The following EPB41L5 variants were observed in gnomAD, a reference collection of about 807,000 sequenced individuals.
EPB41L5 encodes the protein erythrocyte membrane protein band 4.1 like 5.
A neutral mutation model predicts 106.6 loss-of-function variants in EPB41L5; 55 were observed. That is an observed-to-expected ratio of 0.52 (90% CI 0.42 to 0.65). The LOEUF (loss-of-function observed/expected upper bound fraction) is 0.65, where lower values mean the gene tolerates loss of function less well. Among genes scored for constraint, EPB41L5 ranks in the 30% least tolerant of loss-of-function variants. The pLI is 0.00. For missense variants in EPB41L5, 871 were observed against 882.1 expected, an observed-to-expected ratio of 0.99 and a Z score of 0.16; for synonymous variants, 297 against 306.7, an observed-to-expected ratio of 0.97 and a Z score of 0.33.
At chr2:120,033,255 A>T (rs1377474593) in intron 2 of EPB41L5, among the ~76,000 whole-genome samples, 1 of 152,168 alleles carries the variant, frequency 6.6e-6, no homozygotes, top group African/African-American at 2.4e-5. Flanking sequence ...TACTGCATTT[A>T]CTTGTTATCT....
At chr2:120,119,850 G>C (rs1685131261) in intron 16 of EPB41L5, among the ~76,000 whole-genome samples, 1 of 151,582 alleles carries the variant, frequency 6.6e-6, no homozygotes, top group Non-Finnish European at 1.5e-5. Flanking sequence ...CATTTCTTTG[G>C]GCAAAAGCAC....
At chr2:120,050,315 T>A (rs567861916) in intron 3 of EPB41L5, among the ~76,000 whole-genome samples, 1 of 152,326 alleles carries the variant, frequency 6.6e-6, no homozygotes, top group Non-Finnish European at 1.5e-5. Flanking sequence ...CAGACATAGA[T>A]TTGGTCTTTT....
At chr2:120,114,393 T>C (rs1488585982) in intron 16 of EPB41L5, among the ~76,000 whole-genome samples, 2 of 152,236 alleles carry the variant, frequency 1.3e-5, no homozygotes, top group Non-Finnish European at 2.9e-5. Context: ...ACATAAGATA[T>C]TGAACACTTT....
At chr2:120,132,195 A>G (rs1380646872) in intron 18 of EPB41L5, among the ~76,000 whole-genome samples, 5 of 152,190 alleles carry the variant, frequency 3.3e-5, no homozygotes, top group African/African-American at 1.2e-4. Context: ...ATCAAGCTTC[A>G]ATTTATAGTT....
intron 13 of EPB41L5, among the ~76,000 whole-genome samples, 158 bp from the exon 14 acceptor site, chr2:120,093,091 A>G (rs1046448180): frequency 1.4e-4 from 22 of 152,182 alleles, no homozygotes; most frequent in Non-Finnish European, 3.1e-4. Context: ...ACCCACCCCT[A>G]TCTCTACAAA....
At chr2:120,104,281 G>C in intron 16 of EPB41L5, 1 of 1,517,602 alleles carries the variant, frequency 6.6e-7, no homozygotes, top group Non-Finnish European at 8.8e-7. Flanking sequence ...TGTCATGCAA[G>C]TTGATGGTAT....
At chr2:120,167,691 A>C (rs572062898) in intron 23 of EPB41L5, among the ~76,000 whole-genome samples, 184 bp downstream of exon 23, 157 of 152,368 alleles carry the variant, frequency 1.0e-3, no homozygotes, top group African/African-American at 3.6e-3. Flanking sequence ...GTTTGTCAGG[A>C]TGCTGGCAGA....
At chr2:120,044,840 C>T (rs1679656141) in intron 3 of EPB41L5, among the ~76,000 whole-genome samples, 1 of 152,158 alleles carries the variant, frequency 6.6e-6, no homozygotes, top group Admixed American at 6.5e-5. Flanking sequence ...AACTTATAGG[C>T]TTCTGTTTAC....
chr2:120,071,497 C>G (rs1014251019), intron 3 of EPB41L5, among the ~76,000 whole-genome samples: 6 of 152,262 alleles, frequency 3.9e-5, no homozygotes, highest in Admixed American at 3.9e-4. Context: ...AAGAACGAAG[C>G]CGGAGGCATC....
chr2:120,062,304 G>C (rs978050119), intron 3 of EPB41L5, among the ~76,000 whole-genome samples: 1 of 152,122 alleles, frequency 6.6e-6, no homozygotes, highest in Non-Finnish European at 1.5e-5. Context: ...CATATTTGCT[G>C]AACAAGGAAG....
intron 23 of EPB41L5, 85 bp from the exon 24 acceptor site, chr2:120,167,792 C>A: frequency 6.7e-7 from 1 of 1,497,568 alleles, no homozygotes; most frequent in South Asian, 1.2e-5. Flanking sequence ...ATCTCATAGT[C>A]ATTAGTGAAG....
In EPB41L5 at chr2:120,100,758, A is replaced by G. The variant is rs756245100; in HGVS notation, c.1281A>G (p.Pro427=). 4.2e-5 allele frequency: 67 copies of G among 1,613,330 alleles called. No individual in the cohort carries two copies. Among genetic ancestry groups the G allele is most frequent in the Admixed American group, 1.7e-5 (1 of 59,974 alleles). ...CTTCCATTTCCTCTGCTCCTGTGCC[A>G]GTGGAGATAGAGAATCTTCCACAGA... is the stretch of plus-strand genomic sequence containing the variant. ...VSPSISSAPV[P]VEIENLPQSP... is the part of the protein sequence containing the mutation. Residue 427 remains proline (P), a synonymous_variant, in exon 16 of 25, where the codon CCA becomes CCG. Coordinates refer to ENST00000263713, the MANE Select transcript of EPB41L5 (RefSeq NM_020909.4).
In EPB41L5 at chr2:120,088,351, C is replaced by T. The variant is rs114340661; in HGVS notation, c.873+1111C>T. On this transcript the variant is annotated intron_variant, in intron 11 of 24. Coordinates refer to ENST00000263713, the MANE Select transcript of EPB41L5 (RefSeq NM_020909.4). ...TGCAAGAAGAGAAAACCAAATACTACATGCTCTTACTTACAAGTGGGAGCT... is the reference window on the plus strand; with the variant it reads ...TGCAAGAAGAGAAAACCAAATACTATATGCTCTTACTTACAAGTGGGAGCT... 4.4e-3 allele frequency among the ~76,000 whole-genome samples: 674 copies of T among 152,244 alleles called. 4 individuals are homozygous for T. Among genetic ancestry groups the T allele is most frequent in the African/African-American group, 0.015 (643 of 41,548 alleles).
At chr2:120,023,978 T>G (rs894092541) in intron 2 of EPB41L5, among the ~76,000 whole-genome samples, 1 of 152,224 alleles carries the variant, frequency 6.6e-6, no homozygotes, top group Non-Finnish European at 1.5e-5. Flanking sequence ...TTTGGCTGTT[T>G]GTCTATTATT....
intron 2 of EPB41L5, among the ~76,000 whole-genome samples, chr2:120,021,871 T>A (rs1014181586): frequency 1.3e-5 from 2 of 152,208 alleles, no homozygotes; most frequent in Admixed American, 1.3e-4. Flanking sequence ...AGATTTAGAA[T>A]TGATTTTAGA....
At chr2:120,121,725 C>G (rs1685223229) in intron 16 of EPB41L5, among the ~76,000 whole-genome samples, 1 of 152,176 alleles carries the variant, frequency 6.6e-6, no homozygotes, top group South Asian at 2.1e-4. Flanking sequence ...ATCTCTGGGT[C>G]AAATGGTATT....
chr2:120,151,610 CTTTTTTTTTTTTT>C (rs529496809), intron 20 of EPB41L5, among the ~76,000 whole-genome samples: 2 of 116,816 alleles, frequency 1.7e-5, no homozygotes, highest in East Asian at 4.6e-4. Flanking sequence ...GCGTCTGGCC[CTTTTTTTTTTTTT>C]TTTTTTTTTA....
intron 3 of EPB41L5, among the ~76,000 whole-genome samples, chr2:120,063,942 C>CAAA (rs576465680): frequency 7.6e-6 from 1 of 130,880 alleles, no homozygotes. Flanking sequence ...AACTCCATCT[C>CAAA]AAAAAAAAAA....
chr2:120,044,389 C>T (rs1679629876), intron 3 of EPB41L5, among the ~76,000 whole-genome samples: 2 of 152,228 alleles, frequency 1.3e-5, no homozygotes, highest in South Asian at 4.1e-4. Flanking sequence ...TAATTCTAGA[C>T]TTCTGTTTAG....
Sources: gnomAD v4.1 joint callset for allele counts (sites outside exome capture counted in the v4.1 genomes callset) on GRCh38, gnomAD v4.1.1 for gene constraint, MANE v1.5 for transcripts, NCBI Gene and HGNC (gene_info 2026-07-23, HGNC 2026-07-21) for gene names.